Variants in VPS13B observed in about 807,000 individuals in gnomAD.
VPS13B encodes intermembrane lipid transfer protein VPS13B.
A neutral mutation model predicts 426.4 loss-of-function variants in VPS13B; 285 were observed. That is an observed-to-expected ratio of 0.67 (90% CI 0.61 to 0.74). The LOEUF (loss-of-function observed/expected upper bound fraction) is 0.74. VPS13B is among the 30% of genes least tolerant of loss of function. VPS13B has a pLI of 0.00. For synonymous variants in VPS13B, 1,676 were observed against 1,676.4 expected (o/e 1.00, Z 0.01); for missense variants, 4,537 against 4,782.6 (o/e 0.95, Z 1.51).
chr8:99,644,488 A>T (rs1035002150), intron 34 of VPS13B, among the ~76,000 whole-genome samples: 9 of 152,276 alleles, frequency 5.9e-5, no homozygotes, highest in African/African-American at 1.7e-4. Context: ...GCGGGGAAAA[A>T]ACCTTGTATG....
chr8:99,345,069 A>G (rs1482535051), intron 19 of VPS13B, among the ~76,000 whole-genome samples: 3 of 152,020 alleles, frequency 2.0e-5, no homozygotes, highest in Non-Finnish European at 4.4e-5. Context: ...TTTTCCTTGT[A>G]TGGATAGCTA....
chr8:99,109,613 C>T (rs1214933812), intron 5 of VPS13B, among the ~76,000 whole-genome samples: 1 of 152,084 alleles, frequency 6.6e-6, no homozygotes, highest in African/African-American at 2.4e-5. Context: ...GAACTCCTGG[C>T]CTCAAGCAAT....
At chr8:99,084,903 C>T (rs1490390550) in intron 3 of VPS13B, among the ~76,000 whole-genome samples, 6 of 152,140 alleles carry the variant, frequency 3.9e-5, no homozygotes, top group South Asian at 2.1e-4. Flanking sequence ...ATAAGTGCGG[C>T]GTGGTGCTGA....
intron 35 of VPS13B, among the ~76,000 whole-genome samples, chr8:99,667,184 T>C (rs1830522285): frequency 6.6e-6 from 1 of 152,204 alleles, no homozygotes; most frequent in African/African-American, 2.4e-5. Flanking sequence ...AAGGTAGGGC[T>C]TGAAAGTCAT....
chr8:99,530,004 T>C (rs1009418238), intron 30 of VPS13B, among the ~76,000 whole-genome samples: 4 of 152,218 alleles, frequency 2.6e-5, no homozygotes, highest in Non-Finnish European at 4.4e-5. Flanking sequence ...CTGTGGCTCT[T>C]GTTTATGTAT....
intron 3 of VPS13B, among the ~76,000 whole-genome samples, chr8:99,082,676 A>G (rs1845550212): frequency 6.6e-6 from 1 of 152,334 alleles, no homozygotes; most frequent in South Asian, 2.1e-4. Flanking sequence ...AGCTTTCTAC[A>G]TATGGCTAGC....
intron 5 of VPS13B, among the ~76,000 whole-genome samples, chr8:99,104,769 G>A (rs929138732): frequency 7.2e-5 from 11 of 152,006 alleles, no homozygotes; most frequent in African/African-American, 2.2e-4. Context: ...GACCACAGGC[G>A]TGCACTACCA....
chr8:99,714,206 A>G (rs937428469), intron 36 of VPS13B, among the ~76,000 whole-genome samples: 10 of 152,106 alleles, frequency 6.6e-5, no homozygotes, highest in Non-Finnish European at 1.5e-5. Context: ...AGGGCTCCCA[A>G]TGGCCAAAGC....
chr8:99,285,888 T>C (rs1322881778), intron 19 of VPS13B, among the ~76,000 whole-genome samples: 1 of 152,176 alleles, frequency 6.6e-6, no homozygotes, highest in Admixed American at 6.6e-5. Flanking sequence ...ATGGGAGTCA[T>C]TCTTATACCA....
At chr8:99,871,084 C>G (rs533358600) in intron 60 of VPS13B, 197 bp downstream of exon 60, 11 of 653,592 alleles carry the variant, frequency 1.7e-5, no homozygotes, top group Non-Finnish European at 2.7e-5. Context: ...GCTGGCTGCA[C>G]AACTCCTCTG....
intron 30 of VPS13B, among the ~76,000 whole-genome samples, chr8:99,551,703 A>G (rs1365799821): frequency 6.6e-6 from 1 of 151,988 alleles, no homozygotes; most frequent in Non-Finnish European, 1.5e-5. Flanking sequence ...CAAGAAACTT[A>G]GAACATTTTA....
In VPS13B at chr8:99,589,542, T is replaced by C. The variant is rs1170315154; in HGVS notation, c.5220+11909T>C. Among the ~76,000 whole-genome samples, 3 of 151,808 alleles carry C rather than the reference T, an allele frequency of 2.0e-5. 1 individual carries two copies. The highest frequency in any genetic ancestry group is 7.3e-5 in the African/African-American group (3 of 41,064). ...CCTACAAAGGACATGAACTCATCTT[T>C]TTTTATGGCTGCATAGGATTCCATG... On this transcript the variant is annotated intron_variant, in intron 33 of 61. Transcript: ENST00000357162.
At chr8:99,401,624 G>T (rs1232740788) in intron 21 of VPS13B, among the ~76,000 whole-genome samples, 1 of 152,160 alleles carries the variant, frequency 6.6e-6, no homozygotes, top group Admixed American at 6.5e-5. Context: ...CCAGCACTTT[G>T]GGAGGCCAAG....
chr8:99,591,790 T>G (rs898042308), intron 33 of VPS13B, among the ~76,000 whole-genome samples: 2 of 152,170 alleles, frequency 1.3e-5, no homozygotes, highest in Non-Finnish European at 2.9e-5. Flanking sequence ...CAGCATTTTT[T>G]CCTTCATTTC....
intron 33 of VPS13B, among the ~76,000 whole-genome samples, chr8:99,578,347 T>C (rs1825871561): frequency 6.6e-6 from 1 of 152,268 alleles, no homozygotes; most frequent in Admixed American, 6.5e-5. Context: ...AAAGAAAGCT[T>C]TAAGTTCTGT....
intron 39 of VPS13B, among the ~76,000 whole-genome samples, chr8:99,723,782 G>T (rs569426149): frequency 6.6e-6 from 1 of 152,310 alleles, no homozygotes; most frequent in African/African-American, 2.4e-5. Context: ...TTTTGTTGGA[G>T]AAATGAAGAT....
intron 17 of VPS13B, among the ~76,000 whole-genome samples, chr8:99,212,887 A>G (rs1322023522): frequency 1.3e-5 from 2 of 152,140 alleles, no homozygotes; most frequent in Non-Finnish European, 2.9e-5. Flanking sequence ...TATCAACCCC[A>G]TAAAGTTTCT....
intron 16 of VPS13B, among the ~76,000 whole-genome samples, chr8:99,177,966 T>A (rs1247489004): frequency 6.6e-6 from 1 of 152,156 alleles, no homozygotes; most frequent in East Asian, 1.9e-4. Flanking sequence ...TCATTATTTT[T>A]GTGAGGGAGA....
intron 48 of VPS13B, 53 bp downstream of exon 48, chr8:99,819,635 G>T: frequency 1.3e-6 from 2 of 1,576,102 alleles, no homozygotes; most frequent in South Asian, 2.3e-5. Context: ...ATTAACAAAT[G>T]ATCATTCACA....
Sources: allele counts gnomAD v4.1 joint callset (sites outside exome capture counted in the v4.1 genomes callset), GRCh38; gene constraint gnomAD v4.1.1; transcripts MANE v1.5; gene names NCBI Gene and HGNC (gene_info 2026-07-23, HGNC 2026-07-21).